Variants in DDX60L observed in about 807,000 individuals in gnomAD.
DDX60L encodes the protein probable ATP-dependent RNA helicase DDX60-like.
A neutral mutation model predicts 211.6 loss-of-function variants in DDX60L; 191 were observed. The observed-to-expected ratio is 0.90, with a 90% confidence interval of 0.80 to 1.02. DDX60L has a LOEUF of 1.02. Among genes scored for constraint, DDX60L ranks in the 50% least tolerant of loss-of-function variants. The probability of loss-of-function intolerance (pLI) is 0.00; values close to 1 mark genes in which losing one functional copy is unlikely to be tolerated. For missense variants in DDX60L, 2,007 were observed against 1,984.1 expected, an observed-to-expected ratio of 1.01 and a Z score of -0.22; for synonymous variants, 706 against 694.1, an observed-to-expected ratio of 1.02 and a Z score of -0.27.
At chr4:168,390,639 G>GTTTTTT in intron 29 of DDX60L, 2 of 447,922 alleles carry the variant, frequency 4.5e-6, no homozygotes, top group South Asian at 4.0e-5. Flanking sequence ...ATTATTGTCA[G>GTTTTTT]TTTTTTTTTT....
At chr4:168,432,154 G>C (rs1906760) in intron 12 of DDX60L, among the ~76,000 whole-genome samples, 2 of 151,252 alleles carry the variant, frequency 1.3e-5, no homozygotes, top group Admixed American at 6.6e-5. Context: ...GCATGCATAC[G>C]TACATATGCA....
intron 10 of DDX60L, among the ~76,000 whole-genome samples, chr4:168,434,556 G>A (rs1259302122): frequency 1.3e-5 from 2 of 152,146 alleles, no homozygotes; most frequent in Non-Finnish European, 2.9e-5. Context: ...AATGCCACAG[G>A]GATAATTCAA....
intron 26 of DDX60L, among the ~76,000 whole-genome samples, chr4:168,399,389 C>T (rs1560989419): frequency 6.6e-6 from 1 of 152,172 alleles, no homozygotes; most frequent in East Asian, 1.9e-4. Flanking sequence ...GTGGAAGCTG[C>T]TTGCAGTACG....
chr4:168,420,463 TACACACACACAC>T (rs10598232), intron 17 of DDX60L, 83 bp from the exon 18 acceptor site: 16,658 of 456,142 alleles, frequency 0.037, 131 homozygotes, highest in Middle Eastern at 0.053. Flanking sequence ...TCCATACACA[TACACACACACAC>T]ACACACACAC....
chr4:168,367,131 A>G (rs1740138737), intron 36 of DDX60L, among the ~76,000 whole-genome samples: 1 of 152,150 alleles, frequency 6.6e-6, no homozygotes. Flanking sequence ...ACCATATACA[A>G]AAATCTACTC....
At chr4:168,438,561 T>C (rs545067782) in intron 10 of DDX60L, among the ~76,000 whole-genome samples, 2 of 152,390 alleles carry the variant, frequency 1.3e-5, no homozygotes, top group African/African-American at 4.8e-5. Context: ...AGTTTGGTTT[T>C]TAATTCAGGC....
At chr4:168,391,119 A>T (rs1432127027) in intron 29 of DDX60L, among the ~76,000 whole-genome samples, 1 of 152,136 alleles carries the variant, frequency 6.6e-6, no homozygotes, top group Admixed American at 6.5e-5. Flanking sequence ...TTCCCAAAAG[A>T]CCCAGGAATT....
intron 1 of DDX60L, among the ~76,000 whole-genome samples, chr4:168,474,369 C>G (rs1213158400): frequency 1.3e-5 from 2 of 151,924 alleles, no homozygotes; most frequent in Non-Finnish European, 2.9e-5. Context: ...TAAGGATCGT[C>G]AGATATAACA....
chr4:168,413,087 G>A (rs560650814), intron 22 of DDX60L, among the ~76,000 whole-genome samples: 4 of 152,306 alleles, frequency 2.6e-5, no homozygotes, highest in Admixed American at 6.5e-5. Flanking sequence ...AGCCCAGACT[G>A]TGAAGACTAC....
intron 26 of DDX60L, among the ~76,000 whole-genome samples, chr4:168,398,976 T>C (rs1746308578): frequency 6.6e-6 from 1 of 151,844 alleles, no homozygotes; most frequent in Non-Finnish European, 1.5e-5. Context: ...CACTCCAGGG[T>C]CTCCTCTCTG....
chr4:168,423,376 T>C (rs975052891), intron 15 of DDX60L, among the ~76,000 whole-genome samples: 2 of 152,150 alleles, frequency 1.3e-5, no homozygotes, highest in East Asian at 3.9e-4. Flanking sequence ...TAGTATTTAA[T>C]TTCTGTTTTC....
intron 36 of DDX60L, among the ~76,000 whole-genome samples, chr4:168,370,312 T>A (rs979089787): frequency 2.0e-5 from 3 of 152,030 alleles, no homozygotes; most frequent in African/African-American, 7.2e-5. Flanking sequence ...AGTGAAATAA[T>A]CCAGAGACAG....
At chr4:168,475,788 A>T (rs1290064257) in intron 1 of DDX60L, among the ~76,000 whole-genome samples, 1 of 152,096 alleles carries the variant, frequency 6.6e-6, no homozygotes, top group Non-Finnish European at 1.5e-5. Context: ...TTCAGGAGGT[A>T]ATTAGGATTA....
intron 9 of DDX60L, 105 bp downstream of exon 9, chr4:168,448,533 A>T: frequency 1.2e-6 from 1 of 811,562 alleles, no homozygotes; most frequent in Non-Finnish European, 1.9e-6. Flanking sequence ...ACACACACAA[A>T]GGTTTTCAAG....
At chr4:168,428,382 T>C (rs1419080830) in intron 13 of DDX60L, among the ~76,000 whole-genome samples, 1 of 152,190 alleles carries the variant, frequency 6.6e-6, no homozygotes, top group Non-Finnish European at 1.5e-5. Flanking sequence ...TCACTGATTG[T>C]AGCCTTTGCA....
At chr4:168,446,293 G>T (rs989982626) in intron 9 of DDX60L, among the ~76,000 whole-genome samples, 8 of 152,068 alleles carry the variant, frequency 5.3e-5, no homozygotes, top group African/African-American at 1.9e-4. Context: ...GCTTCAAAGA[G>T]AATAAAATAC....
chr4:168,466,027 A>T (rs1259830461), intron 4 of DDX60L, among the ~76,000 whole-genome samples: 2 of 152,312 alleles, frequency 1.3e-5, no homozygotes, highest in Middle Eastern at 3.4e-3. Flanking sequence ...ATTAAATGGT[A>T]AAGAAAAAAC....
chr4:168,376,902 G>A (rs1742044854), intron 33 of DDX60L, among the ~76,000 whole-genome samples: 2 of 152,214 alleles, frequency 1.3e-5, no homozygotes, highest in African/African-American at 4.8e-5. Context: ...CTAATATAGA[G>A]CAGTTATCCC....
In DDX60L at chr4:168,404,240, C is replaced by T. The variant is rs991184961; in HGVS notation, c.3214-134G>A. 5.7e-6 allele frequency: 3 copies of T among 524,652 alleles called. No individual in the cohort carries two copies. The South Asian group carries it at 1.4e-4, about 25-fold the overall frequency. The allele number at this position is 524,652 out of a possible 1,614,324, so 32.5% of individuals were successfully genotyped here. ...ATTTTGGGTGGGTTTTTAAAATAGT[C>T]CTTTAATATTATCAAGTAGTGGTAA... On this transcript the variant is annotated intron_variant, in intron 24 of 37. Transcript: ENST00000682922.
Sources: allele counts gnomAD v4.1 joint callset (sites outside exome capture counted in the v4.1 genomes callset), GRCh38; gene constraint gnomAD v4.1.1; transcripts MANE v1.5; gene names NCBI Gene and HGNC (gene_info 2026-07-23, HGNC 2026-07-21).